Variants in PRSS23 observed in about 807,000 individuals in gnomAD.
PRSS23 encodes the protein protease, serine 23.
In PRSS23, 25 loss-of-function variants were observed where a neutral mutation model predicts 34.7. That is an observed-to-expected ratio of 0.72 (90% CI 0.53 to 1.01). The LOEUF (loss-of-function observed/expected upper bound fraction) is 1.01, where lower values mean the gene tolerates loss of function less well. Ranked by LOEUF, PRSS23 falls within the 50% of genes least tolerant of loss-of-function variation. The pLI is 0.00. For synonymous variants in PRSS23, 176 were observed against 186.6 expected (o/e 0.94, Z 0.46); for missense variants, 445 against 475.6 (o/e 0.94, Z 0.60).
chr11:86,860,590 A>T (rs1402826200), intron 2 of PRSS23, among the ~76,000 whole-genome samples: 1 of 151,928 alleles, frequency 6.6e-6, no homozygotes, highest in African/African-American at 2.4e-5. Context: ...AGAGGTGTAC[A>T]TCCCCACTGT....
At chr11:86,919,665 T>C (rs1477393899) in intron 2 of PRSS23, among the ~76,000 whole-genome samples, 1 of 152,256 alleles carries the variant, frequency 6.6e-6, no homozygotes, top group Non-Finnish European at 1.5e-5. Flanking sequence ...AGTCAAATCA[T>C]GTTACCTCCC....
chr11:86,852,092 C>T (rs1948534487), intron 2 of PRSS23, among the ~76,000 whole-genome samples: 2 of 152,194 alleles, frequency 1.3e-5, no homozygotes, highest in Admixed American at 1.3e-4. Flanking sequence ...TCCCTCAGCA[C>T]TCACTGAACT....
At chr11:86,853,370 C>T (rs1948545110) in intron 2 of PRSS23, among the ~76,000 whole-genome samples, 1 of 149,884 alleles carries the variant, frequency 6.7e-6, no homozygotes, top group Non-Finnish European at 1.5e-5. Flanking sequence ...TCTTGTGCCT[C>T]AGCCTCCGGA....
At chr11:86,865,713 G>A (rs111281782) in intron 2 of PRSS23, among the ~76,000 whole-genome samples, 27 of 152,180 alleles carry the variant, frequency 1.8e-4, no homozygotes, top group Admixed American at 1.4e-3. Context: ...TGAGGACTCC[G>A]TGGACAGTGC....
intron 2 of PRSS23, among the ~76,000 whole-genome samples, chr11:86,924,110 G>A (rs1949064562): frequency 6.6e-6 from 1 of 152,134 alleles, no homozygotes; most frequent in South Asian, 2.1e-4. Flanking sequence ...CGGAAAACAG[G>A]GGCTGCTTGC....
chr11:86,936,103 C>T (rs1270258816), intron 2 of PRSS23: 1 of 152,110 alleles, frequency 6.6e-6, no homozygotes, highest in Non-Finnish European at 1.5e-5. Context: ...AGATCACACT[C>T]GCAGAATGTT....
chr11:86,826,852 C>A (rs1948305456), intron 2 of PRSS23, among the ~76,000 whole-genome samples: 1 of 152,132 alleles, frequency 6.6e-6, no homozygotes. Context: ...CCCACTTGAT[C>A]ATGGTGGATA....
intron 2 of PRSS23, among the ~76,000 whole-genome samples, chr11:86,869,570 CTGTT>C (rs750770681): frequency 1.4e-4 from 21 of 151,998 alleles, no homozygotes; most frequent in Non-Finnish European, 2.6e-4. Context: ...AAGGGCTTGA[CTGTT>C]TGGGGAAATG....
intron 2 of PRSS23, among the ~76,000 whole-genome samples, chr11:86,858,158 G>C (rs2088310017): frequency 6.6e-6 from 1 of 152,042 alleles, no homozygotes; most frequent in Non-Finnish European, 1.5e-5. Flanking sequence ...CAGTGGGGGA[G>C]AGAATGACAT....
intron 2 of PRSS23, among the ~76,000 whole-genome samples, chr11:86,893,973 C>G (rs1234536303): frequency 6.6e-6 from 1 of 152,076 alleles, no homozygotes; most frequent in Non-Finnish European, 1.5e-5. Context: ...AGGGGGGAAT[C>G]AATTCACTGG....
intron 1 of PRSS23, among the ~76,000 whole-genome samples, chr11:86,805,082 G>C (rs1948083776): frequency 6.6e-6 from 1 of 152,168 alleles, no homozygotes; most frequent in Non-Finnish European, 1.5e-5. Context: ...TACTCAAAGG[G>C]AGGAGAGAAT....
chr11:86,814,601 T>C (rs1005369842), downstream of PRSS23, among the ~76,000 whole-genome samples: 1 of 152,126 alleles, frequency 6.6e-6, no homozygotes, highest in Non-Finnish European at 1.5e-5. Flanking sequence ...GAGGAGTCTG[T>C]CTAGTCCTCC....
chr11:86,942,878 T>C, intron 2 of PRSS23, among the ~76,000 whole-genome samples: 1 of 152,176 alleles, frequency 6.6e-6, no homozygotes, highest in African/African-American at 2.4e-5. Flanking sequence ...TGAAGGAAAA[T>C]GAAGGACAGA....
intron 2 of PRSS23, among the ~76,000 whole-genome samples, chr11:86,927,344 A>G (rs1949088054): frequency 6.6e-6 from 1 of 152,014 alleles, no homozygotes; most frequent in Admixed American, 6.6e-5. Context: ...GGTCTGATTG[A>G]CTCTAAAGGT....
chr11:86,859,672 A>T (rs1948599169), intron 2 of PRSS23, among the ~76,000 whole-genome samples: 1 of 151,948 alleles, frequency 6.6e-6, no homozygotes, highest in Non-Finnish European at 1.5e-5. Flanking sequence ...CAAAAAGATG[A>T]TATTACTCCC....
intron 2 of PRSS23, among the ~76,000 whole-genome samples, chr11:86,853,947 C>T (rs1374593033): frequency 6.6e-6 from 1 of 152,090 alleles, no homozygotes; most frequent in Non-Finnish European, 1.5e-5. Flanking sequence ...TTGATTTGTA[C>T]TTCCTTAAGA....
chr11:86,944,718 A>G (rs1231002614), intron 2 of PRSS23, among the ~76,000 whole-genome samples: 1 of 152,260 alleles, frequency 6.6e-6, no homozygotes, highest in Admixed American at 6.5e-5. Flanking sequence ...GACTTTCCTT[A>G]ACTTCGTAAT....
chr11:86,807,010 C>CA (rs1948108840), intron 1 of PRSS23, among the ~76,000 whole-genome samples: 2 of 151,994 alleles, frequency 1.3e-5, no homozygotes. Context: ...AAATTCAAAG[C>CA]AAAAAACAAA....
intron 1 of PRSS23, 111 bp downstream of exon 1, chr11:86,800,762 C>T (rs1262876177): frequency 1.7e-6 from 1 of 581,200 alleles, no homozygotes; most frequent in East Asian, 1.4e-4. Flanking sequence ...TGCGGGCTGC[C>T]GGAGGCACCG....
Sources: gnomAD v4.1 joint callset for allele counts (sites outside exome capture counted in the v4.1 genomes callset) on GRCh38, gnomAD v4.1.1 for gene constraint, MANE v1.5 for transcripts, NCBI Gene and HGNC (gene_info 2026-07-23, HGNC 2026-07-21) for gene names.